The following CCDC32 variants were observed in gnomAD, a reference collection of about 807,000 sequenced individuals.
The protein encoded by CCDC32 is coiled-coil domain-containing protein 32.
In CCDC32, 9 loss-of-function variants were observed where a neutral mutation model predicts 20.1. The observed-to-expected ratio is 0.45, with a 90% CI of 0.27 to 0.78. The LOEUF is 0.78. CCDC32 is among the 30% of genes least tolerant of loss of function. The probability of loss-of-function intolerance (pLI) is 0.16; values close to 1 mark genes in which losing one functional copy is unlikely to be tolerated. For missense variants in CCDC32, 204 were observed against 215.5 expected (o/e 0.95, Z 0.33); for synonymous variants, 63 against 79.0 (o/e 0.80, Z 1.07).
chr15:40,562,505 G>C (rs939805279), intron 2 of CCDC32, among the ~76,000 whole-genome samples: 1 of 152,066 alleles, frequency 6.6e-6, no homozygotes, highest in Non-Finnish European at 1.5e-5. Flanking sequence ...GCTTGAACCC[G>C]GGAGGTGGAG....
At chr15:40,534,938 C>A, downstream of CCDC32, 1 of 702,454 alleles carries the variant, frequency 1.4e-6, no homozygotes, top group Non-Finnish European at 2.6e-6. Context: ...GGTCTGAAGG[C>A]TTGGCTGTAT....
At position 40,553,921 on chromosome 15, in the gene CCDC32, T is replaced by C. The variant is rs1890043771; in HGVS notation, c.*50A>G. 1.5e-5 allele frequency: 3 copies of C among 204,178 alleles called. No homozygotes were observed. The highest frequency in any genetic ancestry group is 2.1e-5 in the Non-Finnish European group (3 of 144,720). The allele number at this position is 204,178 out of a possible 1,614,324, so 12.6% of individuals were successfully genotyped here. Reference sequence around the variant, plus strand: ...GCTGCTCGGCGTGTGTGTGTGTGTGTGTGTGTGTGTGTGTGTGTGTGTGTG... The same window carrying C: ...GCTGCTCGGCGTGTGTGTGTGTGTGCGTGTGTGTGTGTGTGTGTGTGTGTG... On this transcript the variant is annotated 3_prime_UTR_variant, in exon 4 of 4. Transcript: ENST00000416810.
downstream of CCDC32, among the ~76,000 whole-genome samples, chr15:40,548,245 C>T (rs2141621623): frequency 6.6e-6 from 1 of 152,312 alleles, no homozygotes; most frequent in South Asian, 2.1e-4. Context: ...CAGTATTCTA[C>T]ATCCTAAGTG....
At chr15:40,528,902 ACCTCTGGCTCCAG>A (rs1894934150) in intron 3 of CCDC32, 1 of 631,042 alleles carries the variant, frequency 1.6e-6, no homozygotes, top group Non-Finnish European at 2.8e-6. Flanking sequence ...GTGTCTAACC[ACCTCTGGCTCCAG>A]CACGTGCTGA....
At chr15:40,546,853 C>T (rs1032096163) in intron 3 of CCDC32, among the ~76,000 whole-genome samples, 2 of 151,994 alleles carry the variant, frequency 1.3e-5, no homozygotes, top group Non-Finnish European at 2.9e-5. Context: ...AGGCACACAC[C>T]ACCAACACCT....
chr15:40,555,520 C>A (rs1890176690), intron 3 of CCDC32, among the ~76,000 whole-genome samples: 2 of 152,072 alleles, frequency 1.3e-5, no homozygotes, highest in African/African-American at 4.8e-5. Context: ...CTTCAAATCT[C>A]CTATGTTTGG....
chr15:40,527,458 A>T (rs1363938970), downstream of CCDC32, among the ~76,000 whole-genome samples: 1 of 152,192 alleles, frequency 6.6e-6, no homozygotes, highest in Admixed American at 6.5e-5. Flanking sequence ...GGCGAGAGCC[A>T]CCGCACCCCA....
chr15:40,561,862 C>T (rs1222108024), intron 2 of CCDC32: 1 of 150,086 alleles, frequency 6.7e-6, no homozygotes, highest in Non-Finnish European at 1.5e-5. Flanking sequence ...CTGCCCCTCA[C>T]CGCCCTAGAC....
downstream of CCDC32, chr15:40,535,510 G>A (rs1889071348): frequency 1.0e-6 from 1 of 986,534 alleles, no homozygotes; most frequent in African/African-American, 1.8e-5. Flanking sequence ...TGGGCCTATA[G>A]ATTTATAGTT....
At chr15:40,525,071 C>T (rs1258037899), downstream of CCDC32, among the ~76,000 whole-genome samples, 2 of 151,148 alleles carry the variant, frequency 1.3e-5, no homozygotes, top group Non-Finnish European at 2.9e-5. Context: ...CACTCTGTCG[C>T]CCAGGCTGGA....
chr15:40,552,178 TAAAG>T (rs1339596193), downstream of CCDC32, among the ~76,000 whole-genome samples: 6 of 147,148 alleles, frequency 4.1e-5, no homozygotes, highest in African/African-American at 7.5e-5. Flanking sequence ...AAAAAAAAAA[TAAAG>T]AAGGAAAAAA....
At chr15:40,532,825 G>C (rs1340567360), downstream of CCDC32, among the ~76,000 whole-genome samples, 1 of 141,412 alleles carries the variant, frequency 7.1e-6, no homozygotes. Context: ...GGGTTCAGTT[G>C]ATCCTCCCAC....
chr15:40,543,911 C>T (rs1889506127), intron 3 of CCDC32, among the ~76,000 whole-genome samples: 1 of 152,158 alleles, frequency 6.6e-6, no homozygotes. Flanking sequence ...CTACTATGTC[C>T]CAGGTACACA....
At chr15:40,536,704 C>T (rs1429409154), downstream of CCDC32, 1 of 152,294 alleles carries the variant, frequency 6.6e-6, no homozygotes, top group Admixed American at 6.5e-5. Context: ...CCTCTCTTGG[C>T]AAGGGCCCAC....
chr15:40,557,463 T>C (rs999119606), intron 2 of CCDC32, 91 bp from the exon 3 acceptor site: 7 of 1,380,328 alleles, frequency 5.1e-6, no homozygotes, highest in African/African-American at 4.4e-5. Context: ...TTAAAAAATC[T>C]CTCACCGATG....
In CCDC32 at chr15:40,540,508, C is replaced by T. The variant is rs939886567; in HGVS notation, c.402-1153G>A. On this transcript the variant is annotated intron_variant, in intron 3 of 3. Transcript: ENST00000558113. ...TCAGCCTCCCGAGTAGCTGGGATTA[C>T]AGGCGCCTGCCACCATGCCTGGGTA... Among the ~76,000 whole-genome samples, 8 of 151,670 alleles carry T rather than the reference C, an allele frequency of 5.3e-5. No homozygotes were observed. In the East Asian group the frequency reaches 1.5e-3, roughly 29 times the overall value.
intron 3 of CCDC32, among the ~76,000 whole-genome samples, chr15:40,546,068 A>G (rs924966794): frequency 4.9e-4 from 74 of 152,136 alleles, no homozygotes; most frequent in African/African-American, 1.8e-3. Flanking sequence ...ATTTTTATTG[A>G]CCAGTTCAAG....
downstream of CCDC32, among the ~76,000 whole-genome samples, chr15:40,533,087 T>A (rs1256127594): frequency 2.0e-5 from 3 of 152,168 alleles, no homozygotes; most frequent in African/African-American, 7.2e-5. Flanking sequence ...CATCATGAGC[T>A]CTGTACCAGG....
chr15:40,521,446 A>G, the CCDC32 span, among the ~76,000 whole-genome samples: 13 of 152,218 alleles, frequency 8.5e-5, no homozygotes, highest in South Asian at 4.2e-4. Context: ...CCATCCATCA[A>G]TGGATGGATA....
Sources: allele counts gnomAD v4.1 joint callset (sites outside exome capture counted in the v4.1 genomes callset), GRCh38; gene constraint gnomAD v4.1.1; transcripts MANE v1.5; gene names NCBI Gene and HGNC (gene_info 2026-07-23, HGNC 2026-07-21).